The following MACF1 variants were observed in gnomAD, a reference collection of about 807,000 sequenced individuals.
The protein encoded by MACF1 is microtubule-actin cross-linking factor 1.
A neutral mutation model predicts 854.8 loss-of-function variants in MACF1; 193 were observed. The observed-to-expected ratio is 0.23, with a 90% CI of 0.20 to 0.25. The LOEUF is 0.25. MACF1 is among the 10% of genes least tolerant of loss of function. The probability of loss-of-function intolerance (pLI) is 1.00; values close to 1 mark genes in which losing one functional copy is unlikely to be tolerated. For synonymous variants in MACF1, 3,185 were observed against 3,226.7 expected (o/e 0.99, Z 0.44); for missense variants, 7,722 against 8,929.1 (o/e 0.86, Z 5.45).
Position 39,420,490 on chromosome 1 carries a change from T to C in MACF1, c.15817-1884T>C, listed in dbSNP as rs138055566. On this transcript the variant is annotated intron_variant, in intron 58 of 100. Transcript: ENST00000564288. ...AATAGTCATTTTAACTGAACTGCTTTGTAATGTTGCCTAAGAAAATATGGT... is the reference window on the plus strand; with the variant it reads ...AATAGTCATTTTAACTGAACTGCTTCGTAATGTTGCCTAAGAAAATATGGT... Among the ~76,000 whole-genome samples, 54 of 152,394 alleles carry C rather than the reference T, an allele frequency of 3.5e-4. 2 individuals are homozygous for C. The East Asian group carries it at 9.1e-3, about 26-fold the overall frequency.
intron 21 of MACF1, chr1:39,299,348 G>A (rs550192183): frequency 2.4e-5 from 11 of 452,538 alleles, no homozygotes; most frequent in East Asian, 1.4e-4. Flanking sequence ...TACTCTCATC[G>A]CATCTACATC....
intron 29 of MACF1, 95 bp downstream of exon 29, chr1:39,317,502 G>T: frequency 7.5e-7 from 1 of 1,336,444 alleles, no homozygotes. Context: ...ATTTAAAGGT[G>T]GAAATGGATA....
At chr1:39,197,450 A>T (rs1454884512) in intron 2 of MACF1, among the ~76,000 whole-genome samples, 2 of 152,172 alleles carry the variant, frequency 1.3e-5, no homozygotes, top group Admixed American at 1.3e-4. Context: ...GTGTTTTTGA[A>T]TGACACAAAC....
At chr1:39,278,130 C>G (rs1021906725) in intron 6 of MACF1, among the ~76,000 whole-genome samples, 1 of 152,130 alleles carries the variant, frequency 6.6e-6, no homozygotes, top group African/African-American at 2.4e-5. Context: ...TTAAAAAGCC[C>G]AGATGAGGGA....
intron 22 of MACF1, among the ~76,000 whole-genome samples, chr1:39,301,823 G>GACTCGAAAGTC (rs1646050643): frequency 6.6e-6 from 1 of 152,010 alleles, no homozygotes; most frequent in Non-Finnish European, 1.5e-5. Context: ...CCTTAATGTG[G>GACTCGAAAGTC]CTTTAAGTTC....
intron 58 of MACF1, among the ~76,000 whole-genome samples, chr1:39,398,669 CCTTTT>C (rs775867394): frequency 3.3e-5 from 5 of 152,180 alleles, no homozygotes; most frequent in Non-Finnish European, 7.3e-5. Flanking sequence ...GTTTTCCTCT[CCTTTT>C]AAGAAAATTA....
chr1:39,406,058 T>G (rs1025152103), intron 58 of MACF1, among the ~76,000 whole-genome samples: 1 of 152,224 alleles, frequency 6.6e-6, no homozygotes, highest in Non-Finnish European at 1.5e-5. Context: ...TTGATTTATT[T>G]CTAAACACAT....
At chr1:39,254,464 T>G (rs1645075814) in intron 5 of MACF1, 89 bp downstream of exon 5, 1 of 1,115,942 alleles carries the variant, frequency 9.0e-7, no homozygotes, top group Non-Finnish European at 1.4e-6. Context: ...CCTAGTAAGC[T>G]CTCAGTAAAT....
intron 2 of MACF1, among the ~76,000 whole-genome samples, chr1:39,249,412 T>A (rs1219218307): frequency 1.3e-5 from 2 of 152,360 alleles, no homozygotes; most frequent in South Asian, 2.1e-4. Flanking sequence ...AGATAACATA[T>A]TAAACATTTA....
At chr1:39,438,146 T>A in intron 71 of MACF1, 138 bp downstream of exon 71, 1 of 781,206 alleles carries the variant, frequency 1.3e-6, no homozygotes, top group South Asian at 1.9e-5. Context: ...AGAAAGTCAC[T>A]GGAAAATCAT....
chr1:39,332,194 G>A lies in MACF1; in HGVS notation c.5606G>A (p.Gly1869Asp). The change falls in exon 37 of 101, where the codon GGT (glycine) becomes GAT (aspartate). Residue 1869 changes from glycine (G) to aspartate (D), a missense_variant. Gly to Asp is a moderately conservative substitution (Grantham distance 94). Around this residue, in one of 15 missense-constraint regions of MACF1, gnomAD observed 1,531 missense variants for 1,601.6 expected, o/e 0.96. Transcript: ENST00000564288. ...ILPITDALEQ[G>D]IVSTELAHKI... Reference sequence around the variant, plus strand: ...CCAATTACAGATGCCCTAGAACAAGGTATTGTGTCTACTGAACTAGCACAT... The same window carrying A: ...CCAATTACAGATGCCCTAGAACAAGATATTGTGTCTACTGAACTAGCACAT... 6.2e-7 allele frequency: 1 copy of A among 1,614,012 alleles called. No individual in the cohort carries two copies. The highest frequency in any genetic ancestry group is 8.5e-7 in the Non-Finnish European group (1 of 1,180,016).
intron 36 of MACF1, among the ~76,000 whole-genome samples, chr1:39,330,777 G>A (rs919569009): frequency 6.6e-6 from 1 of 151,404 alleles, no homozygotes; most frequent in East Asian, 1.9e-4. Context: ...TTTTCCTTGT[G>A]GTCAGAATTT....
chr1:39,319,752 C>T lies in MACF1; in HGVS notation c.4029+5C>T. The T allele has an allele frequency of 1.3e-6, 2 of 1,598,314 alleles. No homozygotes were observed. The highest frequency in any genetic ancestry group is 1.7e-6 in the Non-Finnish European group (2 of 1,167,548). ...CAGTACTCTACTATTGTAAAGGTAA[C>T]TTTACCACATCCCAAAAAGAACATG... On this transcript the variant is annotated splice_donor_5th_base_variant and intron_variant, in intron 31 of 100. Transcript: ENST00000564288.
rs1557674926 is a variant in MACF1 at position 39,477,069 on chromosome 1, A to ACACT, written c.21959-2729_21959-2728insCACT. ...TGTATATATATATATATATATATAT[A>ACACT]TATATATATATATATATATATACAC... is the stretch of plus-strand genomic sequence containing the variant. On this transcript the variant is annotated intron_variant, in intron 97 of 100. Transcript: ENST00000564288. Among the ~76,000 whole-genome samples the ACACT allele has an allele frequency of 7.4e-4, 13 of 17,478 alleles. No homozygotes were observed. The Admixed American group carries it at 7.6e-3, about 10-fold the overall frequency. 11.5% of individuals were successfully genotyped at this position (17,478 alleles called of 152,430 possible).
rs3080664 is a variant in MACF1, at chr1:39,419,798, A to AGTGTGTGTGTGTGTGTGT, written c.15817-2549_15817-2532dup. ...CAGGCGTGCGCCACCATGCCTGGCT[A>AGTGTGTGTGTGTGTGTGT]GTGTGTGTGTGTGTGTGTGTGTGTG... On this transcript the variant is annotated intron_variant, in intron 58 of 100. Transcript: ENST00000564288. Among the ~76,000 whole-genome samples the AGTGTGTGTGTGTGTGTGT allele has an allele frequency of 1.4e-4, 18 of 131,054 alleles. No individual in the cohort carries two copies. The East Asian group carries it at 1.4e-3, about 10-fold the overall frequency. The allele number at this position is 131,054 out of a possible 152,430, so 86.0% of individuals were successfully genotyped here. A position where few individuals can be genotyped will look rare whatever the true frequency, so the allele number is the denominator to read the frequency against.
At chr1:39,258,380 G>A (rs907554610) in intron 6 of MACF1, among the ~76,000 whole-genome samples, 3 of 152,186 alleles carry the variant, frequency 2.0e-5, no homozygotes, top group African/African-American at 7.2e-5. Context: ...TGGTGTTGAT[G>A]CTTTAGAATG....
At chr1:39,281,427 T>G (rs1055223951) in intron 6 of MACF1, among the ~76,000 whole-genome samples, 3 of 150,526 alleles carry the variant, frequency 2.0e-5, no homozygotes, top group African/African-American at 7.4e-5. Context: ...ATTATTTTGT[T>G]TATATTCTTT....
intron 2 of MACF1, among the ~76,000 whole-genome samples, chr1:39,148,340 T>TA (rs1317627990): frequency 6.6e-6 from 1 of 152,220 alleles, no homozygotes; most frequent in African/African-American, 2.4e-5. Context: ...CTGAAAGAGT[T>TA]ATGCTACTGT....
At chr1:39,330,987 A>G (rs1401410015) in intron 36 of MACF1, among the ~76,000 whole-genome samples, 1 of 151,578 alleles carries the variant, frequency 6.6e-6, no homozygotes, top group Non-Finnish European at 1.5e-5. Flanking sequence ...TTTAGTAGAG[A>G]CGGGTTTTTC....
Sources: gnomAD v4.1 joint callset for allele counts (sites outside exome capture counted in the v4.1 genomes callset) on GRCh38, gnomAD v4.1.1 for gene constraint, gnomAD v4.1.1 regional missense constraint, MANE v1.5 for transcripts, NCBI Gene and HGNC (gene_info 2026-07-23, HGNC 2026-07-21) for gene names.